Variants in DNAH8 observed in about 807,000 individuals in gnomAD.
DNAH8 encodes the protein dynein axonemal heavy chain 8.
In DNAH8, 382 loss-of-function variants were observed where a neutral mutation model predicts 562.1. The ratio of observed to expected loss-of-function variants is 0.68; its 90% confidence interval spans 0.63 to 0.74. The LOEUF is 0.74. Ranked by LOEUF, DNAH8 falls within the 30% of genes least tolerant of loss-of-function variation. The pLI is 0.00. For missense variants in DNAH8, 5,203 were observed against 5,620.4 expected (o/e 0.93, Z 2.37); for synonymous variants, 1,881 against 1,919.4 (o/e 0.98, Z 0.52).
At position 38,873,180 on chromosome 6, in the gene DNAH8, G is replaced by C. The variant is rs529019154; in HGVS notation, c.7479+33G>C. On this transcript the variant is annotated intron_variant, in intron 51 of 92. Coordinates refer to ENST00000327475, the MANE Select transcript of DNAH8 (RefSeq NM_001206927.2). ...AGAGAGATGGGAAGAAGAACCCTCA[G>C]AGTCTCTCCACGTTTCACTTTCTCA... The C allele has an allele frequency of 6.2e-6, 10 of 1,613,088 alleles. No homozygotes were observed. The South Asian group carries it at 1.1e-4, about 18-fold the overall frequency.
At chr6:38,912,831 A>G (rs1583334929) in intron 66 of DNAH8, among the ~76,000 whole-genome samples, 1 of 151,122 alleles carries the variant, frequency 6.6e-6, no homozygotes, top group East Asian at 1.9e-4. Flanking sequence ...TTTCTTTGAG[A>G]CAGAGTTTTG....
intron 91 of DNAH8, among the ~76,000 whole-genome samples, chr6:39,018,869 T>A (rs1375394883): frequency 6.6e-6 from 1 of 152,078 alleles, no homozygotes. Context: ...ACAAGAAGAC[T>A]GTTGGCAGAA....
chr6:39,016,122 G>T (rs1420230976), intron 91 of DNAH8, among the ~76,000 whole-genome samples: 2 of 152,182 alleles, frequency 1.3e-5, no homozygotes, highest in Middle Eastern at 3.2e-3. Context: ...AGCCTCGCTG[G>T]ACACTATTTG....
At position 38,904,393 on chromosome 6, in the gene DNAH8, C is replaced by T. The variant is rs1780288694; in HGVS notation, c.9195-1861C>T. 2.6e-5 allele frequency among the ~76,000 whole-genome samples: 4 copies of T among 151,932 alleles called. No homozygotes were observed. In the South Asian group the frequency reaches 6.2e-4, roughly 24 times the overall value. On this transcript the variant is annotated intron_variant, in intron 62 of 92. Coordinates refer to ENST00000327475, the MANE Select transcript of DNAH8 (RefSeq NM_001206927.2). ...CTGTGGAAAGAATTCTGGGGTCTCC[C>T]AACATAGAGAAAGGGGGCTTGCGAT...
chr6:38,803,837 T>A (rs1771010620), intron 22 of DNAH8, among the ~76,000 whole-genome samples: 1 of 152,112 alleles, frequency 6.6e-6, no homozygotes, highest in Non-Finnish European at 1.5e-5. Context: ...TCTTTGGGGT[T>A]TGGGTACAGA....
intron 1 of DNAH8, among the ~76,000 whole-genome samples, chr6:38,716,339 AC>A (rs1762344753): frequency 6.6e-6 from 1 of 151,740 alleles, no homozygotes; most frequent in Non-Finnish European, 1.5e-5. Context: ...CCGTTCCTCT[AC>A]CCTTCTCATT....
At chr6:38,954,189 A>G (rs1762097986) in intron 82 of DNAH8, among the ~76,000 whole-genome samples, 1 of 152,164 alleles carries the variant, frequency 6.6e-6, no homozygotes. Context: ...GAGAAAGCAG[A>G]TGGGTTTAGC....
intron 9 of DNAH8, among the ~76,000 whole-genome samples, chr6:38,754,557 A>G (rs1340615975): frequency 1.3e-5 from 2 of 152,146 alleles, no homozygotes; most frequent in Non-Finnish European, 2.9e-5. Flanking sequence ...TTCCATCACC[A>G]TTAAAAACAC....
chr6:38,890,735 G>A lies in DNAH8; in HGVS notation c.8557G>A (p.Gly2853Ser), dbSNP rs781551292. ...CEMIVNLVSVGRVLWQWTKVK... is the reference protein window; with the variant it reads ...CEMIVNLVSVSRVLWQWTKVK... ...GATGATTGTGAATTTAGTCTCAGTG[G>A]GTAGAGTGCTGTGGCAATGGACTAA... The change falls in exon 58 of 93, where the codon GGT becomes AGT. Residue 2853 changes from glycine to serine, a missense_variant. Gly to Ser is a moderately conservative substitution (Grantham distance 56). Coordinates refer to ENST00000327475, the MANE Select transcript of DNAH8 (RefSeq NM_001206927.2). The A allele has an allele frequency of 6.2e-7, 1 of 1,613,336 alleles. No individual in the cohort carries two copies. Among genetic ancestry groups the A allele is most frequent in the South Asian group, 1.1e-5 (1 of 91,050 alleles).
intron 80 of DNAH8, among the ~76,000 whole-genome samples, chr6:38,946,637 C>T (rs1239044089): frequency 6.6e-5 from 10 of 152,086 alleles, no homozygotes; most frequent in Admixed American, 1.3e-4. Flanking sequence ...AGTGAAACCC[C>T]GACTCTACTA....
chr6:38,717,555 G>A (rs1236903471), intron 1 of DNAH8, among the ~76,000 whole-genome samples: 1 of 151,372 alleles, frequency 6.6e-6, no homozygotes, highest in Non-Finnish European at 1.5e-5. Flanking sequence ...AAACTCCTGA[G>A]CTTGAGCTCA....
intron 85 of DNAH8, 148 bp downstream of exon 85, chr6:38,974,677 T>A (rs745592915): frequency 7.9e-6 from 5 of 633,980 alleles, no homozygotes; most frequent in Non-Finnish European, 1.1e-5. Context: ...CCTGGTATAG[T>A]GTATATTTGT....
intron 28 of DNAH8, among the ~76,000 whole-genome samples, chr6:38,825,148 G>A (rs1439306628): frequency 6.6e-6 from 1 of 152,110 alleles, no homozygotes; most frequent in Non-Finnish European, 1.5e-5. Flanking sequence ...GAATCCCTAA[G>A]GCCTGAGGGA....
chr6:38,933,653 C>G (rs1246426490), intron 76 of DNAH8, among the ~76,000 whole-genome samples: 1 of 152,192 alleles, frequency 6.6e-6, no homozygotes, highest in Non-Finnish European at 1.5e-5. Context: ...ATGAAAATGA[C>G]TAACTGGTTA....
chr6:38,740,979 T>A (rs1260523723), intron 7 of DNAH8, among the ~76,000 whole-genome samples: 4 of 152,248 alleles, frequency 2.6e-5, no homozygotes, highest in Non-Finnish European at 4.4e-5. Flanking sequence ...TTTGGTTTTT[T>A]ATTTCCAATT....
rs911672488 is a variant in DNAH8 at position 38,875,645 on chromosome 6, T to C, written c.7675T>C (p.Cys2559Arg). 1 of 1,613,616 alleles carries C rather than the reference T, an allele frequency of 6.2e-7. No homozygotes were observed. Among genetic ancestry groups the C allele is most frequent in the Non-Finnish European group, 8.5e-7 (1 of 1,179,716 alleles). The change falls in exon 53 of 93, where the codon TGT (cysteine) becomes CGT (arginine). Residue 2559 changes from cysteine (C) to arginine (R), a missense_variant. By Grantham distance (180) the Cys-to-Arg change is radical. Around this residue, in one of 6 missense-constraint regions of DNAH8, gnomAD observed 977 missense variants for 1,061.8 expected, o/e 0.92. Transcript: ENST00000327475. ...IPSKEEGGVS[C>R]VEHLHKLFVF... ...CTCCAAAGAAGAAGGCGGTGTTTCC[T>C]GTGTCGAACATCTTCATAAATTATT...
rs767504389 is a variant in DNAH8, at chr6:38,834,583, G to A, written c.4307G>A (p.Gly1436Glu). Residue 1436 changes from glycine to glutamate, a missense_variant, in exon 32 of 93, where the codon GGA (glycine) becomes GAA (glutamate). Around this residue, in one of 6 missense-constraint regions of DNAH8, gnomAD observed 2,176 missense variants for 2,365.1 expected, o/e 0.92. Coordinates refer to ENST00000327475, the MANE Select transcript of DNAH8 (RefSeq NM_001206927.2). ...AGATTATATTCTTCCTTACAGGAAG[G>A]ACCTATGGTTCCAAATATACCACCC... Reference protein sequence around the residue: ...INFAEAYELEGPMVPNIPPQE... With the variant: ...INFAEAYELEEPMVPNIPPQE... 6.3e-7 allele frequency: 1 copy of A among 1,594,992 alleles called. No individual in the cohort carries two copies. Among genetic ancestry groups the A allele is most frequent in the East Asian group, 2.3e-5 (1 of 44,342 alleles).
intron 75 of DNAH8, among the ~76,000 whole-genome samples, chr6:38,930,003 G>T (rs996714619): frequency 7.2e-5 from 11 of 152,188 alleles, no homozygotes; most frequent in Non-Finnish European, 1.5e-4. Context: ...GCAACACACA[G>T]TATATATATG....
chr6:38,750,026 G>A (rs965786808), intron 8 of DNAH8, among the ~76,000 whole-genome samples: 4 of 152,098 alleles, frequency 2.6e-5, no homozygotes, highest in Non-Finnish European at 5.9e-5. Flanking sequence ...TAGAGACGGG[G>A]TTTCACCGTG....
Sources: allele counts gnomAD v4.1 joint callset (sites outside exome capture counted in the v4.1 genomes callset), GRCh38; gene constraint gnomAD v4.1.1; regional missense constraint gnomAD v4.1.1; transcripts MANE v1.5; gene names NCBI Gene and HGNC (gene_info 2026-07-23, HGNC 2026-07-21).